PRKN: variants seen among roughly 807,000 people sequenced by gnomAD.
PRKN encodes the protein parkin RBR E3 ubiquitin protein ligase.
Under a neutral mutation model 59.5 loss-of-function variants are expected in PRKN, and 56 were observed. That is an observed-to-expected ratio of 0.94 (90% CI 0.76 to 1.18). The LOEUF (loss-of-function observed/expected upper bound fraction) is 1.18. PRKN is among the 50% of genes most tolerant of loss of function. PRKN has a pLI of 0.00. For missense variants in PRKN, 657 were observed against 596.4 expected, an observed-to-expected ratio of 1.10 and a Z score of -1.06; for synonymous variants, 250 against 222.1, an observed-to-expected ratio of 1.13 and a Z score of -1.12.
intron 1 of PRKN, among the ~76,000 whole-genome samples, chr6:162,448,146 C>T (rs1031663995): frequency 4.6e-5 from 7 of 152,094 alleles, no homozygotes; most frequent in Admixed American, 2.0e-4. Context: ...GTGGGATGTT[C>T]GGCTCCACCT....
Position 161,771,367 on chromosome 6 carries a change from A to AT in PRKN, c.871+14404_871+14405insA, listed in dbSNP as rs1436271708. On this transcript the variant is annotated intron_variant, in intron 7 of 11. Coordinates refer to ENST00000366898, the MANE Select transcript of PRKN (RefSeq NM_004562.3). ...CAAGACTCCACCTCAAAAAAAAAAA[A>AT]AAAATAAAATAAAATAAAATAAAAT... Among the ~76,000 whole-genome samples the AT allele has an allele frequency of 6.5e-4, 54 of 82,768 alleles. 1 individual carries two copies. The highest frequency in any genetic ancestry group is 1.1e-3 in the African/African-American group (27 of 23,606). 54.3% of individuals were successfully genotyped at this position (82,768 alleles called of 152,430 possible).
chr6:162,118,809 A>C (rs1255511564), intron 4 of PRKN, among the ~76,000 whole-genome samples: 2 of 152,212 alleles, frequency 1.3e-5, no homozygotes, highest in African/African-American at 4.8e-5. Context: ...AATTAGCAAC[A>C]TGGGCGTGGA....
intron 5 of PRKN, among the ~76,000 whole-genome samples, chr6:162,016,627 A>G (rs974681606): frequency 1.3e-5 from 2 of 151,884 alleles, no homozygotes; most frequent in African/African-American, 2.4e-5. Flanking sequence ...ACCCTGGAAC[A>G]CTCTCCTCGT....
chr6:161,514,846 A>G (rs564690865), intron 9 of PRKN, among the ~76,000 whole-genome samples: 3 of 152,256 alleles, frequency 2.0e-5, no homozygotes, highest in African/African-American at 7.2e-5. Context: ...GGAAGTCCAG[A>G]GCGGCAAGCT....
chr6:161,367,136 G>T (rs1237819642), intron 10 of PRKN, among the ~76,000 whole-genome samples: 1 of 151,456 alleles, frequency 6.6e-6, no homozygotes, highest in Non-Finnish European at 1.5e-5. Flanking sequence ...GACTACAGGC[G>T]CCCGCCACCA....
At chr6:161,988,252 C>T (rs1020609151) in intron 5 of PRKN, among the ~76,000 whole-genome samples, 23 of 151,990 alleles carry the variant, frequency 1.5e-4, no homozygotes, top group African/African-American at 4.8e-4. Context: ...TTTGGGAGGC[C>T]GAGGCAGGCG....
intron 3 of PRKN, among the ~76,000 whole-genome samples, chr6:162,205,209 C>G (rs1259331449): frequency 6.6e-6 from 1 of 152,084 alleles, no homozygotes; most frequent in African/African-American, 2.4e-5. Context: ...CTAACAGAAC[C>G]CTCAGTCAAA....
chr6:162,448,111 C>G (rs1315695119), intron 1 of PRKN, among the ~76,000 whole-genome samples: 2 of 152,114 alleles, frequency 1.3e-5, no homozygotes, highest in Non-Finnish European at 2.9e-5. Flanking sequence ...GCAATTCTTC[C>G]TCATGAGAGG....
intron 6 of PRKN, among the ~76,000 whole-genome samples, chr6:161,883,511 G>A (rs1271586499): frequency 1.3e-5 from 2 of 151,498 alleles, no homozygotes; most frequent in African/African-American, 4.8e-5. Flanking sequence ...AAGGGAAGGT[G>A]GGGAGGGGAG....
At chr6:162,404,367 CAGA>C (rs1787955579) in intron 2 of PRKN, among the ~76,000 whole-genome samples, 1 of 139,070 alleles carries the variant, frequency 7.2e-6, no homozygotes, top group African/African-American at 2.7e-5. Flanking sequence ...GAGACTCTGT[CAGA>C]AAAAAAAAAA....
chr6:161,582,664 T>A lies in PRKN; in HGVS notation c.872-13248A>T, dbSNP rs1030141898. 6.6e-6 allele frequency among the ~76,000 whole-genome samples: 1 copy of A among 152,056 alleles called. No individual in the cohort carries two copies. Among genetic ancestry groups the A allele is most frequent in the Non-Finnish European group, 1.5e-5 (1 of 68,016 alleles). ...GGATGGTCTCGATCTGCTGACCTCG[T>A]GATCTGCCCGCCTCGGCCTCCCAAA... On this transcript the variant is annotated intron_variant, in intron 7 of 11. Coordinates refer to ENST00000366898, the MANE Select transcript of PRKN (RefSeq NM_004562.3). This position sits in a 1 kb window ranked among gnomAD's most constrained non-coding sequence, Gnocchi z 4.4.
chr6:161,829,775 AG>A (rs1370670973), intron 6 of PRKN, among the ~76,000 whole-genome samples: 2 of 151,338 alleles, frequency 1.3e-5, no homozygotes, highest in African/African-American at 2.4e-5. Context: ...TGTGCTCTGA[AG>A]GCACCAGAGC....
At chr6:162,011,634 C>A (rs1782723122) in intron 5 of PRKN, among the ~76,000 whole-genome samples, 1 of 146,694 alleles carries the variant, frequency 6.8e-6, no homozygotes, top group South Asian at 2.1e-4. Flanking sequence ...AAATAACCAT[C>A]TTTATTGTTA....
intron 2 of PRKN, chr6:162,264,787 C>G (rs62429432): frequency 1.3e-5 from 2 of 152,048 alleles, no homozygotes; most frequent in Non-Finnish European, 2.9e-5. Flanking sequence ...CCGCTTCGAG[C>G]CTTCCCCTCC....
intron 1 of PRKN, among the ~76,000 whole-genome samples, chr6:162,723,993 T>A (rs1200245053): frequency 6.6e-6 from 1 of 152,208 alleles, no homozygotes; most frequent in African/African-American, 2.4e-5. Context: ...AGACACTGAA[T>A]GTGTATTTCA....
At chr6:162,317,251 T>C (rs1046605612) in intron 2 of PRKN, among the ~76,000 whole-genome samples, 18 of 152,042 alleles carry the variant, frequency 1.2e-4, no homozygotes, top group Admixed American at 8.5e-4. Flanking sequence ...CTGGACATAA[T>C]TGAATCATGG....
chr6:162,149,359 C>T (rs1473352841), intron 4 of PRKN, among the ~76,000 whole-genome samples: 1 of 151,980 alleles, frequency 6.6e-6, no homozygotes, highest in African/African-American at 2.4e-5. Flanking sequence ...ATTCTCATGC[C>T]TCGCCCTCCC....
chr6:162,179,676 A>G (rs183673834), intron 4 of PRKN, among the ~76,000 whole-genome samples: 1 of 152,258 alleles, frequency 6.6e-6, no homozygotes, highest in East Asian at 1.9e-4. Flanking sequence ...TATGCCCCTT[A>G]CTATATGTCA....
intron 4 of PRKN, among the ~76,000 whole-genome samples, chr6:162,125,217 A>C (rs148794692): frequency 1.3e-5 from 2 of 152,258 alleles, no homozygotes; most frequent in East Asian, 3.9e-4. Context: ...TACAGCCCAT[A>C]GGGACTGTCT....
Sources: gnomAD v4.1 joint callset for allele counts (sites outside exome capture counted in the v4.1 genomes callset) on GRCh38, gnomAD v4.1.1 for gene constraint, Gnocchi (gnomAD v3.1) non-coding constraint, MANE v1.5 for transcripts, NCBI Gene and HGNC (gene_info 2026-07-23, HGNC 2026-07-21) for gene names.